SORCS2: variants seen among roughly 807,000 people sequenced by gnomAD.
The protein encoded by SORCS2 is sortilin related VPS10 domain containing receptor 2.
In SORCS2, 100 loss-of-function variants were observed where a neutral mutation model predicts 141.6. That is an observed-to-expected ratio of 0.71 (90% confidence interval 0.60 to 0.83). The LOEUF (loss-of-function observed/expected upper bound fraction) is 0.83, where lower values mean the gene tolerates loss of function less well. Among genes scored for constraint, SORCS2 ranks in the 40% least tolerant of loss-of-function variants. SORCS2 has a pLI of 0.00. For synonymous variants in SORCS2, 789 were observed against 676.9 expected (o/e 1.17, Z -2.57); for missense variants, 1,646 against 1,560.2 (o/e 1.05, Z -0.93).
intron 2 of SORCS2, among the ~76,000 whole-genome samples, chr4:7,520,106 C>T (rs1733230560): frequency 6.6e-6 from 1 of 152,192 alleles, no homozygotes; most frequent in African/African-American, 2.4e-5. Flanking sequence ...GTTGGCTGAC[C>T]AGGGTGGACT....
intron 1 of SORCS2, among the ~76,000 whole-genome samples, chr4:7,250,797 G>A (rs1713455113): frequency 6.6e-6 from 1 of 152,262 alleles, no homozygotes; most frequent in Non-Finnish European, 1.5e-5. Flanking sequence ...CAAGAACAGT[G>A]GGTTCCCTTT....
At chr4:7,514,898 G>A (rs1020802225) in intron 2 of SORCS2, among the ~76,000 whole-genome samples, 9 of 152,146 alleles carry the variant, frequency 5.9e-5, no homozygotes, top group African/African-American at 2.4e-5. Context: ...ATGGCCTGGG[G>A]CCCTGGTAAG....
intron 1 of SORCS2, among the ~76,000 whole-genome samples, chr4:7,358,446 C>T (rs1429552204): frequency 6.6e-6 from 1 of 152,238 alleles, no homozygotes; most frequent in Non-Finnish European, 1.5e-5. Context: ...GATAATTATT[C>T]CATTTCACAG....
intron 1 of SORCS2, among the ~76,000 whole-genome samples, chr4:7,287,175 T>G (rs1273361613): frequency 2.6e-5 from 4 of 152,190 alleles, no homozygotes; most frequent in African/African-American, 9.6e-5. Context: ...CAAAGTGTCC[T>G]TAATGACCGA....
At chr4:7,581,556 A>T (rs1462721457) in intron 3 of SORCS2, among the ~76,000 whole-genome samples, 1 of 152,208 alleles carries the variant, frequency 6.6e-6, no homozygotes, top group Non-Finnish European at 1.5e-5. Flanking sequence ...CGTTGTGAGT[A>T]TGGTGGCAGG....
chr4:7,338,206 T>A (rs58185145), intron 1 of SORCS2, among the ~76,000 whole-genome samples: 5 of 123,198 alleles, frequency 4.1e-5, no homozygotes, highest in Non-Finnish European at 6.8e-5. Context: ...TGGATGTTGG[T>A]TGGATGGATG....
At chr4:7,621,845 A>G (rs1396221823) in intron 3 of SORCS2, among the ~76,000 whole-genome samples, 2 of 152,198 alleles carry the variant, frequency 1.3e-5, no homozygotes, top group African/African-American at 4.8e-5. Context: ...CGGGGCTGGC[A>G]GCAGCCTGGC....
chr4:7,437,826 T>C (rs570227419), intron 2 of SORCS2, among the ~76,000 whole-genome samples: 5 of 152,242 alleles, frequency 3.3e-5, no homozygotes, highest in African/African-American at 1.2e-4. Flanking sequence ...GCCCCACTTG[T>C]TTCGAGGTTC....
chr4:7,390,076 C>A (rs1236614324), intron 1 of SORCS2, among the ~76,000 whole-genome samples: 3 of 152,146 alleles, frequency 2.0e-5, no homozygotes, highest in African/African-American at 7.2e-5. Flanking sequence ...GGGGGAGGCC[C>A]ACGGCTGTGC....
chr4:7,319,383 G>A (rs10026693), intron 1 of SORCS2, among the ~76,000 whole-genome samples: 88,494 of 151,768 alleles, frequency 0.58, 25,827 homozygotes, highest in South Asian at 0.72. Flanking sequence ...GACTTGTCTC[G>A]TCTGACTTAC....
chr4:7,412,373 C>T (rs76229755), intron 2 of SORCS2, among the ~76,000 whole-genome samples: 253 of 152,320 alleles, frequency 1.7e-3, no homozygotes, highest in African/African-American at 5.9e-3. Context: ...CCAGCCAGAG[C>T]GTTTGTTCTG....
chr4:7,317,790 G>A (rs555108010), intron 1 of SORCS2, among the ~76,000 whole-genome samples: 450 of 152,294 alleles, frequency 3.0e-3, no homozygotes, highest in African/African-American at 0.01. Context: ...GGTGAGAAGG[G>A]GCTTCCGACA....
At chr4:7,445,391 A>G (rs891234374) in intron 2 of SORCS2, among the ~76,000 whole-genome samples, 8 of 152,062 alleles carry the variant, frequency 5.3e-5, no homozygotes, top group African/African-American at 1.9e-4. Flanking sequence ...GGGCTGCTGG[A>G]TTCACAGCCC....
chr4:7,445,188 GA>G (rs1228686312), intron 2 of SORCS2, among the ~76,000 whole-genome samples: 1 of 152,234 alleles, frequency 6.6e-6, no homozygotes, highest in Non-Finnish European at 1.5e-5. Context: ...GTGAGGGTGA[GA>G]GTCTCTGGGA....
chr4:7,522,080 AC>A (rs1197661750), intron 2 of SORCS2, among the ~76,000 whole-genome samples: 1 of 151,970 alleles, frequency 6.6e-6, no homozygotes, highest in African/African-American at 2.4e-5. Flanking sequence ...CGCTTCATTA[AC>A]CCTTTGTTCA....
intron 3 of SORCS2, among the ~76,000 whole-genome samples, chr4:7,589,575 G>T (rs1716775097): frequency 6.6e-6 from 1 of 152,060 alleles, no homozygotes; most frequent in African/African-American, 2.4e-5. Flanking sequence ...GCTAACTTTT[G>T]TATTTTTAGT....
chr4:7,661,479 G>T (rs756736624), intron 5 of SORCS2, 21 bp from the exon 6 acceptor site: 1 of 1,551,372 alleles, frequency 6.4e-7, no homozygotes, highest in Admixed American at 2.0e-5. Flanking sequence ...CCCGACCCCA[G>T]CCTCAGCTCT....
At chr4:7,368,494 C>T (rs1289275989) in intron 1 of SORCS2, among the ~76,000 whole-genome samples, 1 of 152,152 alleles carries the variant, frequency 6.6e-6, no homozygotes, top group Non-Finnish European at 1.5e-5. Context: ...CCACTGGGTC[C>T]CCCCAGCAGC....
At chr4:7,291,668 C>T (rs1013119281) in intron 1 of SORCS2, among the ~76,000 whole-genome samples, 3 of 152,148 alleles carry the variant, frequency 2.0e-5, no homozygotes, top group Non-Finnish European at 2.9e-5. Flanking sequence ...AAAGAGTCTC[C>T]GAGACAGGAG....
Sources: allele counts gnomAD v4.1 joint callset (sites outside exome capture counted in the v4.1 genomes callset), GRCh38; gene constraint gnomAD v4.1.1; transcripts MANE v1.5; gene names NCBI Gene and HGNC (gene_info 2026-07-23, HGNC 2026-07-21).